Variants in APPBP2 observed in about 807,000 individuals in gnomAD.
The protein encoded by APPBP2 is amyloid protein-binding protein 2.
Under a neutral mutation model 76.0 loss-of-function variants are expected in APPBP2, and 15 were observed. That is an observed-to-expected ratio of 0.20 (90% confidence interval 0.13 to 0.30). The LOEUF (loss-of-function observed/expected upper bound fraction) is 0.30, where lower values mean the gene tolerates loss of function less well. Ranked by LOEUF, APPBP2 falls within the 10% of genes least tolerant of loss-of-function variation. The pLI is 1.00. For synonymous variants in APPBP2, 222 were observed against 242.2 expected, an observed-to-expected ratio of 0.92 and a Z score of 0.77; for missense variants, 401 against 687.2, an observed-to-expected ratio of 0.58 and a Z score of 4.66.
chr17:60,478,694 G>A (rs574176052), intron 4 of APPBP2, among the ~76,000 whole-genome samples: 15 of 152,318 alleles, frequency 9.8e-5, no homozygotes, highest in Non-Finnish European at 1.2e-4. Context: ...GGCCAAGGCA[G>A]GTGGATCACC....
intron 3 of APPBP2, among the ~76,000 whole-genome samples, chr17:60,490,109 C>T (rs1387804870): frequency 2.6e-5 from 4 of 152,132 alleles, no homozygotes; most frequent in Admixed American, 2.6e-4. Context: ...TCAAATAGTA[C>T]TGTATCTTGA....
chr17:60,512,790 G>GT (rs1555636063), intron 1 of APPBP2, among the ~76,000 whole-genome samples: 3 of 6,648 alleles, frequency 4.5e-4, no homozygotes, highest in Non-Finnish European at 6.2e-4. Context: ...AGCCGAGACT[G>GT]CCCATTACAC....
At chr17:60,520,893 C>T (rs577059930) in intron 1 of APPBP2, among the ~76,000 whole-genome samples, 31 of 152,202 alleles carry the variant, frequency 2.0e-4, no homozygotes, top group South Asian at 6.2e-4. Flanking sequence ...AAGAACACAG[C>T]CCCGTCTCTA....
chr17:60,518,617 A>G (rs529999799), intron 1 of APPBP2, among the ~76,000 whole-genome samples: 11 of 151,982 alleles, frequency 7.2e-5, no homozygotes, highest in African/African-American at 2.7e-4. Flanking sequence ...CCCAGGCCCA[A>G]GCGATCCTCC....
chr17:60,462,964 G>GA (rs901951952), intron 6 of APPBP2, among the ~76,000 whole-genome samples: 17 of 136,830 alleles, frequency 1.2e-4, no homozygotes, highest in African/African-American at 2.7e-4. Context: ...AAAAAAAAAA[G>GA]AAAAAAAAAC....
chr17:60,504,333 T>C (rs16944461), intron 1 of APPBP2, among the ~76,000 whole-genome samples: 12,507 of 151,990 alleles, frequency 0.082, 1,699 homozygotes, highest in African/African-American at 0.28. Flanking sequence ...TGAAGATAGA[T>C]CAACCAACAG....
At chr17:60,522,750 C>T (rs2091020371) in intron 1 of APPBP2, among the ~76,000 whole-genome samples, 1 of 152,066 alleles carries the variant, frequency 6.6e-6, no homozygotes, top group Non-Finnish European at 1.5e-5. Flanking sequence ...AACTCATGTT[C>T]CTGCTCAGGG....
At chr17:60,490,847 C>T (rs1267904419) in intron 3 of APPBP2, among the ~76,000 whole-genome samples, 6 of 152,150 alleles carry the variant, frequency 3.9e-5, no homozygotes, top group African/African-American at 1.4e-4. Context: ...GTAAGATGTG[C>T]CTTTTACCTT....
At chr17:60,455,264 G>A (rs1280759754) in intron 10 of APPBP2, among the ~76,000 whole-genome samples, 1 of 152,136 alleles carries the variant, frequency 6.6e-6, no homozygotes, top group Admixed American at 6.6e-5. Context: ...CATTCATTTA[G>A]TTATCTTATT....
intron 1 of APPBP2, among the ~76,000 whole-genome samples, chr17:60,511,374 C>A (rs551591053): frequency 1.3e-5 from 2 of 152,148 alleles, no homozygotes; most frequent in East Asian, 3.9e-4. Context: ...ATCATGAGGT[C>A]AGGAGATCGA....
At chr17:60,454,609 T>C (rs1236858843) in intron 10 of APPBP2, 117 bp from the exon 11 acceptor site, 3 of 657,686 alleles carry the variant, frequency 4.6e-6, no homozygotes, top group South Asian at 3.3e-5. Context: ...TATGTGATTA[T>C]GGTTTGGAAC....
At chr17:60,465,413 A>AGGG (rs1395913330) in intron 5 of APPBP2, among the ~76,000 whole-genome samples, 7 of 152,194 alleles carry the variant, frequency 4.6e-5, no homozygotes, top group Non-Finnish European at 1.0e-4. Context: ...TGTCTGTAAG[A>AGGG]TTTGTGTACT....
chr17:60,490,895 T>C (rs1157975927), intron 3 of APPBP2, among the ~76,000 whole-genome samples: 3 of 152,194 alleles, frequency 2.0e-5, no homozygotes, highest in African/African-American at 7.2e-5. Context: ...CACGTGGAAC[T>C]ATGAGTCCAT....
chr17:60,488,173 C>G (rs867776060), intron 3 of APPBP2, among the ~76,000 whole-genome samples: 7 of 152,182 alleles, frequency 4.6e-5, no homozygotes, highest in African/African-American at 1.4e-4. Flanking sequence ...ACACGGGGGT[C>G]AGGGACCCAC....
At chr17:60,513,904 G>A (rs192374317) in intron 1 of APPBP2, among the ~76,000 whole-genome samples, 2 of 149,436 alleles carry the variant, frequency 1.3e-5, no homozygotes, top group African/African-American at 4.9e-5. Context: ...AAGCAATTGC[G>A]ATCCTACCCC....
In APPBP2 at chr17:60,448,470, C is replaced by A. The variant is rs539551659; in HGVS notation, c.1505-636G>T. Among the ~76,000 whole-genome samples, 3 of 152,250 alleles carry A rather than the reference C, an allele frequency of 2.0e-5. No individual in the cohort carries two copies. The South Asian group carries it at 6.2e-4, about 32-fold the overall frequency. On this transcript the variant is annotated intron_variant, in intron 12 of 12. Transcript: ENST00000083182. ...AGAGAGAGACTCCGTCTCAAAAAAACCAACCAACAAATGAAAAACCAAAAC... is the reference window on the plus strand; with the variant it reads ...AGAGAGAGACTCCGTCTCAAAAAAAACAACCAACAAATGAAAAACCAAAAC...
chr17:60,494,328 A>C, intron 3 of APPBP2, 138 bp downstream of exon 3: 2 of 809,240 alleles, frequency 2.5e-6, no homozygotes, highest in Non-Finnish European at 3.8e-6. Flanking sequence ...ATGCTTTGGC[A>C]TGGGGTTAAG....
intron 1 of APPBP2, among the ~76,000 whole-genome samples, chr17:60,505,981 CCTTT>C (rs1266066268): frequency 3.4e-5 from 5 of 147,862 alleles, no homozygotes; most frequent in African/African-American, 5.3e-5. Context: ...CCATGCCTGG[CCTTT>C]CTTTTTTTTT....
At chr17:60,471,747 A>G (rs1343401316) in intron 4 of APPBP2, among the ~76,000 whole-genome samples, 1 of 152,148 alleles carries the variant, frequency 6.6e-6, no homozygotes, top group African/African-American at 2.4e-5. Context: ...TTTTTCATCC[A>G]TATTCATAAG....
Sources: allele counts gnomAD v4.1 joint callset (sites outside exome capture counted in the v4.1 genomes callset), GRCh38; gene constraint gnomAD v4.1.1; transcripts MANE v1.5; gene names NCBI Gene and HGNC (gene_info 2026-07-23, HGNC 2026-07-21).